Variants in BCAR3 observed in about 807,000 individuals in gnomAD.
BCAR3 encodes breast cancer anti-estrogen resistance protein 3.
In BCAR3, 37 loss-of-function variants were observed where a neutral mutation model predicts 80.1. That is an observed-to-expected ratio of 0.46 (90% CI 0.36 to 0.61). The LOEUF is 0.61. Ranked by LOEUF, BCAR3 falls within the 20% of genes least tolerant of loss-of-function variation. BCAR3 has a pLI of 0.00. For synonymous variants in BCAR3, 389 were observed against 418.9 expected, an observed-to-expected ratio of 0.93 and a Z score of 0.87; for missense variants, 978 against 1,068.2, an observed-to-expected ratio of 0.92 and a Z score of 1.18.
At chr1:93,845,502 A>ATAT in intron 2 of BCAR3, 6 of 113,788 alleles carry the variant, frequency 5.3e-5, no homozygotes, top group East Asian at 2.5e-4. Flanking sequence ...ATATATATAT[A>ATAT]AAACTTTGTT....
Position 93,593,364 on chromosome 1 carries a change from ATTTT to A in BCAR3, c.358-975_358-972del, listed in dbSNP as rs1674289184. ...CACTACTTTTTAAAAATGTTTATTT[ATTTT>A]ATTTTTTTTGAGACAGGGTCTCACT... On this transcript the variant is annotated intron_variant, in intron 3 of 11. Transcript: ENST00000260502. 3.3e-5 allele frequency among the ~76,000 whole-genome samples: 5 copies of A among 152,140 alleles called. No individual in the cohort carries two copies. In the South Asian group the frequency reaches 1.0e-3, roughly 32 times the overall value.
intron 2 of BCAR3, among the ~76,000 whole-genome samples, chr1:93,777,231 T>C (rs1039473284): frequency 6.6e-6 from 1 of 152,246 alleles, no homozygotes; most frequent in Admixed American, 6.5e-5. Context: ...AAATTTCTGT[T>C]GTTTTAAGCC....
At chr1:93,839,820 T>C (rs1011274369) in intron 2 of BCAR3, among the ~76,000 whole-genome samples, 2 of 152,320 alleles carry the variant, frequency 1.3e-5, no homozygotes, top group Middle Eastern at 3.4e-3. Context: ...AGTGGAATAA[T>C]GAGAGCTTGA....
Position 93,589,376 on chromosome 1 carries a change from C to A in BCAR3, c.530G>T (p.Arg177Leu). 1 of 1,613,794 alleles carries A rather than the reference C, an allele frequency of 6.2e-7. No homozygotes were observed. The highest frequency in any genetic ancestry group is 1.1e-5 in the South Asian group (1 of 91,052). Residue 177 changes from arginine (R) to leucine (L), a missense_variant, in exon 5 of 12, where the codon CGT (arginine) becomes CTT (leucine). Coordinates refer to ENST00000260502, the MANE Select transcript of BCAR3 (RefSeq NM_003567.4). ...GTTCCCAGGGCTGGACAGAGAGTCA[C>A]GAACTAGGAAGTCACCATCTCGCTG... The part of the protein sequence containing the change: ...LVQRDGDFLV[R>L]DSLSSPGNFV...
intron 6 of BCAR3, among the ~76,000 whole-genome samples, chr1:93,583,498 C>T (rs1360852810): frequency 6.6e-6 from 1 of 151,802 alleles, no homozygotes; most frequent in African/African-American, 2.4e-5. Flanking sequence ...ATGAAAACAA[C>T]CCCCTGTCTT....
intron 2 of BCAR3, among the ~76,000 whole-genome samples, chr1:93,643,400 G>A (rs898509948): frequency 6.6e-6 from 1 of 150,690 alleles, no homozygotes; most frequent in Non-Finnish European, 1.5e-5. Flanking sequence ...ACAAAAAATA[G>A]CTGGGCGTAG....
intron 8 of BCAR3, among the ~76,000 whole-genome samples, chr1:93,575,540 C>T (rs779807719): frequency 2.0e-5 from 3 of 152,150 alleles, no homozygotes; most frequent in Non-Finnish European, 4.4e-5. Context: ...ATTTGTCCAC[C>T]CCTCAAAGAA....
intron 2 of BCAR3, among the ~76,000 whole-genome samples, chr1:93,812,037 G>A (rs1224536842): frequency 2.6e-5 from 4 of 152,130 alleles, no homozygotes; most frequent in Non-Finnish European, 5.9e-5. Flanking sequence ...TTTTGAAGAT[G>A]TTCATATGAA....
At chr1:93,742,285 C>T (rs1051366740) in intron 2 of BCAR3, among the ~76,000 whole-genome samples, 8 of 152,178 alleles carry the variant, frequency 5.3e-5, no homozygotes, top group African/African-American at 1.9e-4. Context: ...CCAAAGAGCT[C>T]TCTGGAGTGA....
intron 2 of BCAR3, among the ~76,000 whole-genome samples, chr1:93,773,569 G>A (rs1413561204): frequency 6.6e-6 from 1 of 152,124 alleles, no homozygotes. Context: ...ATGAAACCTG[G>A]TGATTGGACC....
chr1:93,730,340 T>C (rs11164969), intron 2 of BCAR3, among the ~76,000 whole-genome samples: 39,809 of 152,024 alleles, frequency 0.26, 6,194 homozygotes, highest in East Asian at 0.48. Context: ...ACGCTTGTAA[T>C]TGCTGCTTCA....
chr1:93,766,243 G>T (rs1209666502), intron 2 of BCAR3, among the ~76,000 whole-genome samples: 6 of 152,204 alleles, frequency 3.9e-5, no homozygotes, highest in Admixed American at 3.9e-4. Context: ...AACCACATTG[G>T]TGACCCCTCC....
At chr1:93,663,468 G>C (rs1052045811) in intron 2 of BCAR3, among the ~76,000 whole-genome samples, 1 of 152,168 alleles carries the variant, frequency 6.6e-6, no homozygotes, top group African/African-American at 2.4e-5. Flanking sequence ...GCAAGTCAAG[G>C]AGAAAAAGTA....
intron 2 of BCAR3, among the ~76,000 whole-genome samples, chr1:93,758,050 C>T (rs1651805399): frequency 1.3e-5 from 2 of 152,162 alleles, no homozygotes; most frequent in South Asian, 2.1e-4. Flanking sequence ...ACTGCTGCAT[C>T]GTCCACTTGT....
intron 11 of BCAR3, among the ~76,000 whole-genome samples, chr1:93,566,222 C>G (rs895919867): frequency 3.8e-4 from 58 of 152,132 alleles, no homozygotes; most frequent in Non-Finnish European, 1.0e-4. Flanking sequence ...TCCCCAAGGT[C>G]TCTCAGCGCC....
chr1:93,621,988 C>T (rs1300287764), intron 3 of BCAR3, among the ~76,000 whole-genome samples: 1 of 152,230 alleles, frequency 6.6e-6, no homozygotes, highest in Non-Finnish European at 1.5e-5. Context: ...TCTCCTGCCT[C>T]AGCCTCCCGA....
At chr1:93,575,896 GA>G (rs1474309175) in intron 8 of BCAR3, 117 bp downstream of exon 8, 5 of 778,806 alleles carry the variant, frequency 6.4e-6, no homozygotes, top group Non-Finnish European at 1.1e-5. Flanking sequence ...CATGCGCCCT[GA>G]AGTACTGTTA....
chr1:93,674,681 G>T lies in BCAR3; in HGVS notation c.250C>A (p.Pro84Thr), dbSNP rs1397361066. Residue 84 changes from proline (P) to threonine (T), a missense_variant, in exon 2 of 12, where the codon CCT becomes ACT. Coordinates refer to ENST00000260502, the MANE Select transcript of BCAR3 (RefSeq NM_003567.4). ...PHSKSPRQNS[P>T]VTQDGIQESP... ...TCCTGGATGCCATCCTGGGTCACAG[G>T]CGAGTTCTGCCGTGGGGATTTGGAG... 1 of 1,614,096 alleles carries T rather than the reference G, an allele frequency of 6.2e-7. No homozygotes were observed. The highest frequency in any genetic ancestry group is 1.1e-5 in the South Asian group (1 of 91,042).
At chr1:93,686,785 C>T (rs915347704), upstream of BCAR3, among the ~76,000 whole-genome samples, 19 of 152,176 alleles carry the variant, frequency 1.2e-4, no homozygotes, top group African/African-American at 3.6e-4. Flanking sequence ...GTTTTAGAAA[C>T]GCTGAGCATT....
Sources: gnomAD v4.1 joint callset for allele counts (sites outside exome capture counted in the v4.1 genomes callset) on GRCh38, gnomAD v4.1.1 for gene constraint, MANE v1.5 for transcripts, NCBI Gene and HGNC (gene_info 2026-07-23, HGNC 2026-07-21) for gene names.